USP54: variants seen among roughly 807,000 people sequenced by gnomAD.
The protein encoded by USP54 is ubiquitin specific peptidase 54.
USP54 carries 87 observed loss-of-function variants against 170.5 expected under a neutral mutation model. The ratio of observed to expected loss-of-function variants is 0.51; its 90% CI spans 0.43 to 0.61. The LOEUF (loss-of-function observed/expected upper bound fraction) is 0.61. USP54 is among the 20% of genes least tolerant of loss of function. USP54 has a pLI of 0.00. For missense variants in USP54, 1,786 were observed against 2,047.8 expected (o/e 0.87, Z 2.47); for synonymous variants, 655 against 742.8 (o/e 0.88, Z 1.92).
chr10:73,545,804 C>T (rs2067664051), intron 4 of USP54, 132 bp from the exon 5 acceptor site: 1 of 980,724 alleles, frequency 1.0e-6, no homozygotes, highest in South Asian at 1.7e-5. Context: ...GGTTGACATG[C>T]TTGCAGTTAG....
intron 7 of USP54, 132 bp from the exon 8 acceptor site, chr10:73,541,870 C>T: frequency 1.3e-6 from 1 of 795,736 alleles, no homozygotes. Context: ...CCTGACCAGG[C>T]TCAGTGTCCC....
At chr10:73,570,550 CTT>C (rs554652532) in intron 4 of USP54, among the ~76,000 whole-genome samples, 26 of 132,208 alleles carry the variant, frequency 2.0e-4, no homozygotes, top group Non-Finnish European at 2.6e-4. Context: ...TTTCCTTTTT[CTT>C]TTTTTTTTTT....
chr10:73,563,435 T>C (rs925780915), intron 4 of USP54, among the ~76,000 whole-genome samples: 3 of 152,124 alleles, frequency 2.0e-5, no homozygotes, highest in African/African-American at 7.2e-5. Context: ...ATTTATCTTT[T>C]ATTTATTTAT....
intron 1 of USP54, among the ~76,000 whole-genome samples, chr10:73,616,335 C>G (rs79288581): frequency 3.9e-5 from 1 of 25,776 alleles, no homozygotes; most frequent in Non-Finnish European, 7.6e-5. Flanking sequence ...GACTCCATCT[C>G]AAAAAAAAAA....
chr10:73,602,202 A>G (rs1589380794), intron 1 of USP54, among the ~76,000 whole-genome samples: 1 of 152,192 alleles, frequency 6.6e-6, no homozygotes, highest in African/African-American at 2.4e-5. Context: ...CAGTCTATTT[A>G]TTGGTAAAGT....
At chr10:73,516,231 GCTTT>G (rs1191722628) in intron 20 of USP54, 140 bp downstream of exon 20, 2 of 939,000 alleles carry the variant, frequency 2.1e-6, no homozygotes, top group Non-Finnish European at 3.1e-6. Context: ...TGTCCTGAAG[GCTTT>G]CTGAGTAAAG....
chr10:73,530,475 G>C lies in USP54; in HGVS notation c.1496C>G (p.Ser499Cys). Residue 499 changes from serine to cysteine, a missense_variant, in exon 14 of 24, where the codon TCC becomes TGC. By Grantham distance (112) the Ser-to-Cys change is moderately radical. Coordinates refer to ENST00000687698, the MANE Select transcript of USP54 (RefSeq NM_001391956.1). ...KQAPRNASKP[S>C]SSTNRLRDFK... Reference sequence around the variant, plus strand: ...ATCTCTCAGCCTGTTGGTGCTGCTGGATGGTTTGGAGGCATTTCTAGGAGC... The same window carrying C: ...ATCTCTCAGCCTGTTGGTGCTGCTGCATGGTTTGGAGGCATTTCTAGGAGC... 2 of 1,613,976 alleles carry C rather than the reference G, an allele frequency of 1.2e-6. No homozygotes were observed. Among genetic ancestry groups the C allele is most frequent in the Non-Finnish European group, 1.7e-6 (2 of 1,179,968 alleles).
chr10:73,513,029 A>G (rs1320194343), intron 20 of USP54, among the ~76,000 whole-genome samples: 1 of 150,018 alleles, frequency 6.7e-6, no homozygotes, highest in Non-Finnish European at 1.5e-5. Context: ...TGTCTCAAAA[A>G]TGAAAAAAAA....
chr10:73,543,612 C>T (rs1412777246), intron 5 of USP54, among the ~76,000 whole-genome samples: 2 of 152,160 alleles, frequency 1.3e-5, no homozygotes, highest in East Asian at 1.9e-4. Flanking sequence ...GTGATCCGCC[C>T]GCCCCAGGCT....
At chr10:73,536,200 A>T (rs779876515) in intron 11 of USP54, 69 bp downstream of exon 11, 7 of 1,573,338 alleles carry the variant, frequency 4.4e-6, no homozygotes, top group Non-Finnish European at 6.1e-6. Context: ...CACATAATTA[A>T]CTATGAGTCC....
intron 1 of USP54, among the ~76,000 whole-genome samples, chr10:73,602,327 C>A (rs1332576472): frequency 6.6e-6 from 1 of 150,420 alleles, no homozygotes; most frequent in Admixed American, 6.6e-5. Context: ...CCGAGGTGGG[C>A]AGATCACGAG....
Position 73,516,726 on chromosome 10 carries a change from G to T in USP54, c.3700C>A (p.Gln1234Lys), listed in dbSNP as rs763165565. 2 of 1,613,998 alleles carry T rather than the reference G, an allele frequency of 1.2e-6. No individual in the cohort carries two copies. Among genetic ancestry groups the T allele is most frequent in the Non-Finnish European group, 1.7e-6 (2 of 1,180,042 alleles). ...TCTCTCACTTGGGACAGCTTCTCTTGGTATATGTCTGGCTCTGCCAACCTG... is the reference window on the plus strand; with the variant it reads ...TCTCTCACTTGGGACAGCTTCTCTTTGTATATGTCTGGCTCTGCCAACCTG... ...QPRLAEPDIY[Q>K]EKLSQVRDVR... The change falls in exon 20 of 24, where the codon CAA becomes AAA. Residue 1234 changes from glutamine to lysine, a missense_variant. Transcript: ENST00000687698.
At chr10:73,519,532 C>T in intron 19 of USP54, 1 of 478,440 alleles carries the variant, frequency 2.1e-6, no homozygotes, top group African/African-American at 1.9e-5. Flanking sequence ...CGCGTTATTA[C>T]ACAAGTCCAG....
chr10:73,554,561 C>T (rs1342271941), intron 4 of USP54, among the ~76,000 whole-genome samples: 2 of 152,180 alleles, frequency 1.3e-5, no homozygotes, highest in Admixed American at 6.5e-5. Flanking sequence ...ACATTTTACC[C>T]TTTTGGCACT....
At chr10:73,523,370 T>C (rs1456592894) in intron 17 of USP54, among the ~76,000 whole-genome samples, 1 of 152,210 alleles carries the variant, frequency 6.6e-6, no homozygotes, top group African/African-American at 2.4e-5. Context: ...CTCTAATCTA[T>C]AGGCTTTTAA....
chr10:73,544,378 C>A (rs191830518), intron 5 of USP54, among the ~76,000 whole-genome samples: 1 of 152,332 alleles, frequency 6.6e-6, no homozygotes. Context: ...GAAGTATCAT[C>A]ATTTGTTTAA....
chr10:73,548,973 C>A (rs1159365834), intron 4 of USP54, among the ~76,000 whole-genome samples: 1 of 152,126 alleles, frequency 6.6e-6, no homozygotes. Context: ...ATAAACCTAC[C>A]TATGTGATCT....
In USP54 at chr10:73,516,428, C is replaced by G; in HGVS notation, c.3998G>C (p.Gly1333Ala). 2 of 1,613,990 alleles carry G rather than the reference C, an allele frequency of 1.2e-6. No homozygotes were observed. The highest frequency in any genetic ancestry group is 1.7e-6 in the Non-Finnish European group (2 of 1,180,008). The change falls in exon 20 of 24, where the codon GGC becomes GCC. Residue 1333 changes from glycine to alanine, a missense_variant. Coordinates refer to ENST00000687698, the MANE Select transcript of USP54 (RefSeq NM_001391956.1). ...YQASLQASQA[G>A]CSGWGQQDTA... ...ATCCTGCTGCCCCCATCCAGAACAG[C>G]CAGCTTGAGAAGCCTGAAGACTGGC...
intron 14 of USP54, 89 bp from the exon 15 acceptor site, chr10:73,530,000 C>T (rs2063674580): frequency 2.0e-6 from 3 of 1,485,142 alleles, no homozygotes; most frequent in Non-Finnish European, 2.7e-6. Context: ...CCTCTAGCTA[C>T]TTATTCACTG....
Sources: allele counts gnomAD v4.1 joint callset (sites outside exome capture counted in the v4.1 genomes callset), GRCh38; gene constraint gnomAD v4.1.1; transcripts MANE v1.5; gene names NCBI Gene and HGNC (gene_info 2026-07-23, HGNC 2026-07-21).